The following CRY1 variants were observed in gnomAD, a reference collection of about 807,000 sequenced individuals.
The protein encoded by CRY1 is cryptochrome circadian regulator 1.
Under a neutral mutation model 76.0 loss-of-function variants are expected in CRY1, and 45 were observed. The ratio of observed to expected loss-of-function variants is 0.59; its 90% CI spans 0.47 to 0.76. The LOEUF is 0.76. CRY1 is among the 30% of genes least tolerant of loss of function. CRY1 has a pLI of 0.00. For synonymous variants in CRY1, 248 were observed against 244.0 expected (o/e 1.02, Z -0.15); for missense variants, 587 against 716.4 (o/e 0.82, Z 2.06).
Position 107,092,915 on chromosome 12 carries a change from TG to T in CRY1, c.46del (p.His16ThrfsTer6). The T allele has an allele frequency of 1.2e-6, 2 of 1,606,298 alleles. No homozygotes were observed. The highest frequency in any genetic ancestry group is 1.7e-6 in the Non-Finnish European group (2 of 1,177,326). On this transcript the variant is annotated frameshift_variant, in exon 1 of 13. Coordinates refer to ENST00000008527, the MANE Select transcript of CRY1 (RefSeq NM_004075.5). LOFTEE classifies it high-confidence loss of function. ...VHWFRKGLRLHDNPALKECIQ... is the reference protein window; with the variant it reads ...VHWFRKGLRLXDNPALKECIQ... Reference sequence around the variant, plus strand: ...GCACTCCTTCAGGGCGGGGTTGTCGTGGAGCCGGAGCCCCTTTCGGAACCAG... The same window carrying T: ...GCACTCCTTCAGGGCGGGGTTGTCGTGAGCCGGAGCCCCTTTCGGAACCAG...
At chr12:107,007,138 C>T (rs765131689) in intron 2 of CRY1, among the ~76,000 whole-genome samples, 2 of 152,154 alleles carry the variant, frequency 1.3e-5, no homozygotes, top group Non-Finnish European at 2.9e-5. Flanking sequence ...TTAGTACGAA[C>T]TTGCTATTTT....
At chr12:107,060,215 AG>A (rs1953030670) in intron 1 of CRY1, among the ~76,000 whole-genome samples, 1 of 152,230 alleles carries the variant, frequency 6.6e-6, no homozygotes, top group African/African-American at 2.4e-5. Context: ...TCCCCCAAAA[AG>A]CACATGTTAG....
chr12:107,062,407 AT>A (rs1953059122), intron 1 of CRY1, among the ~76,000 whole-genome samples: 1 of 152,168 alleles, frequency 6.6e-6, no homozygotes, highest in Non-Finnish European at 1.5e-5. Flanking sequence ...TTTTTTCTGA[AT>A]AAAACAATGT....
Position 107,093,088 on chromosome 12 carries a change from C to G in CRY1, c.-127G>C. The G allele has an allele frequency of 8.5e-7, 1 of 1,181,024 alleles. No homozygotes were observed. The highest frequency in any genetic ancestry group is 1.7e-5 in the South Asian group (1 of 57,794). 73.2% of individuals were successfully genotyped at this position (1,181,024 alleles called of 1,614,324 possible). A position where few individuals can be genotyped will look rare whatever the true frequency, so the allele number is the denominator to read the frequency against. On this transcript the variant is annotated 5_prime_UTR_variant, in exon 1 of 13. Coordinates refer to ENST00000008527, the MANE Select transcript of CRY1 (RefSeq NM_004075.5). Reference sequence around the variant, plus strand: ...TGAGGAAAGGGCGGCAGAGGGGGAACAGGAAAAAATGACTCCGAGGAGGGG... The same window carrying G: ...TGAGGAAAGGGCGGCAGAGGGGGAAGAGGAAAAAATGACTCCGAGGAGGGG...
chr12:107,082,599 G>C (rs183533042), intron 1 of CRY1, among the ~76,000 whole-genome samples: 85 of 152,242 alleles, frequency 5.6e-4, no homozygotes, highest in East Asian at 9.6e-4. Context: ...TGACTACTGG[G>C]TAAATAAAGA....
chr12:107,026,162 T>C (rs1385063607), intron 1 of CRY1, among the ~76,000 whole-genome samples: 1 of 21,890 alleles, frequency 4.6e-5, no homozygotes, highest in Non-Finnish European at 8.7e-5. Context: ...ATATAAAATA[T>C]ATATATATAT....
chr12:107,005,216 A>T lies in CRY1; in HGVS notation c.300T>A (p.Tyr100Ter), dbSNP rs758219805. 5.0e-6 allele frequency: 8 copies of T among 1,613,412 alleles called. No individual in the cohort carries two copies. In the South Asian group the frequency reaches 8.8e-5, roughly 18 times the overall value. Residue 100 changes from tyrosine (Y) to a stop codon, truncating the protein, a stop_gained, in exon 3 of 13, where the codon TAT (tyrosine) becomes TAA (stop). Coordinates refer to ENST00000008527, the MANE Select transcript of CRY1 (RefSeq NM_004075.5). LOFTEE classifies it high-confidence loss of function. ...EWNITKLSIE[Y>*]DSEPFGKERD... ...GTTCCTTTCCAAAGGGCTCAGAATC[A>T]TACTCAATTGAAAGTTTAGTAATGT...
chr12:107,011,390 G>T (rs1446982862), intron 2 of CRY1, among the ~76,000 whole-genome samples: 1 of 151,724 alleles, frequency 6.6e-6, no homozygotes, highest in Non-Finnish European at 1.5e-5. Flanking sequence ...GAAAGCTGAG[G>T]CAGGCCAAAA....
chr12:107,030,595 T>C (rs1952663898), intron 1 of CRY1, among the ~76,000 whole-genome samples: 1 of 152,176 alleles, frequency 6.6e-6, no homozygotes, highest in South Asian at 2.1e-4. Context: ...ACAGGTCACA[T>C]GGCCAAGTTA....
Position 106,991,386 on chromosome 12 carries a change from A to ATAACAAGTTCATTTTAG in CRY1, c.*599_*615dup, listed in dbSNP as rs1952178721. 6.6e-6 allele frequency: 1 copy of ATAACAAGTTCATTTTAG among 152,634 alleles called. No homozygotes were observed. Among genetic ancestry groups the ATAACAAGTTCATTTTAG allele is most frequent in the Non-Finnish European group, 1.5e-5 (1 of 68,044 alleles). 9.5% of individuals were successfully genotyped at this position (152,634 alleles called of 1,614,324 possible). ...AGATTTCATATTTGCATATACTTTAATAACAAGTTCATTTTAGTAATAAAT... is the reference window on the plus strand; with the variant it reads ...AGATTTCATATTTGCATATACTTTAATAACAAGTTCATTTTAGTAACAAGTTCATTTTAGTAATAAAT... On this transcript the variant is annotated 3_prime_UTR_variant, in exon 13 of 13. Coordinates refer to ENST00000008527, the MANE Select transcript of CRY1 (RefSeq NM_004075.5).
At chr12:107,031,181 T>A (rs1343119330) in intron 1 of CRY1, among the ~76,000 whole-genome samples, 1 of 152,076 alleles carries the variant, frequency 6.6e-6, no homozygotes. Context: ...CAAGAAGGCA[T>A]AACAGGTCAC....
rs149466450 is a variant in CRY1, at chr12:107,013,239, C to T, written c.268-7991G>A. Among the ~76,000 whole-genome samples the T allele has an allele frequency of 8.1e-3, 1,229 of 152,238 alleles. 13 individuals carry two copies. Among genetic ancestry groups the T allele is most frequent in the African/African-American group, 0.028 (1,151 of 41,528 alleles). ...CTTCATTACTGTCTTAAGAAATTGCCATAGCCACCACAACCATCAGCAACC... is the reference window on the plus strand; with the variant it reads ...CTTCATTACTGTCTTAAGAAATTGCTATAGCCACCACAACCATCAGCAACC... On this transcript the variant is annotated intron_variant, in intron 2 of 12. Transcript: ENST00000008527.
At chr12:107,043,889 A>G (rs1952824687) in intron 1 of CRY1, among the ~76,000 whole-genome samples, 1 of 152,106 alleles carries the variant, frequency 6.6e-6, no homozygotes, top group South Asian at 2.1e-4. Context: ...ATTGGCTCAG[A>G]TTCCTAAACT....
intron 2 of CRY1, among the ~76,000 whole-genome samples, chr12:107,007,220 T>C (rs979013299): frequency 6.6e-6 from 1 of 152,184 alleles, no homozygotes; most frequent in Non-Finnish European, 1.5e-5. Flanking sequence ...TGAGGTAGTA[T>C]AGAATAGTTT....
chr12:107,076,879 C>A (rs1953260719), intron 1 of CRY1, among the ~76,000 whole-genome samples: 2 of 152,030 alleles, frequency 1.3e-5, no homozygotes, highest in South Asian at 2.1e-4. Context: ...TAGCACCTCC[C>A]CCCGACTCTC....
At chr12:107,066,428 G>C (rs1427414643) in intron 1 of CRY1, among the ~76,000 whole-genome samples, 2 of 151,756 alleles carry the variant, frequency 1.3e-5, no homozygotes, top group Non-Finnish European at 2.9e-5. Context: ...GTTTAAGATG[G>C]TTATTTCTAG....
intron 1 of CRY1, among the ~76,000 whole-genome samples, chr12:107,057,751 T>C (rs1953000380): frequency 1.4e-5 from 2 of 146,618 alleles, no homozygotes; most frequent in South Asian, 4.4e-4. Context: ...AATAAATAAA[T>C]GAAAAAATAA....
At chr12:107,023,631 C>T (rs1952580133) in intron 1 of CRY1, among the ~76,000 whole-genome samples, 1 of 152,218 alleles carries the variant, frequency 6.6e-6, no homozygotes, top group Non-Finnish European at 1.5e-5. Flanking sequence ...GGAGCACCAT[C>T]TGTACAGCTT....
At chr12:107,012,374 C>T (rs1952454215) in intron 2 of CRY1, among the ~76,000 whole-genome samples, 1 of 152,286 alleles carries the variant, frequency 6.6e-6, no homozygotes, top group African/African-American at 2.4e-5. Flanking sequence ...AGAACAGGAA[C>T]AACAAAGCCT....
Sources: gnomAD v4.1 joint callset for allele counts (sites outside exome capture counted in the v4.1 genomes callset) on GRCh38, gnomAD v4.1.1 for gene constraint, MANE v1.5 for transcripts, NCBI Gene and HGNC (gene_info 2026-07-23, HGNC 2026-07-21) for gene names.